The following MYH9 variants were observed in gnomAD, a reference collection of about 807,000 sequenced individuals.
MYH9 encodes the protein myosin-9.
In MYH9, 29 loss-of-function variants were observed where a neutral mutation model predicts 241.9. The observed-to-expected ratio is 0.12, with a 90% CI of 0.09 to 0.16. MYH9 has a LOEUF of 0.16. MYH9 is among the 10% of genes least tolerant of loss of function. The probability of loss-of-function intolerance (pLI) is 1.00; values close to 1 mark genes in which losing one functional copy is unlikely to be tolerated. For missense variants in MYH9, 1,803 were observed against 2,595.5 expected (o/e 0.69, Z 6.63); for synonymous variants, 1,047 against 1,062.6 (o/e 0.99, Z 0.29).
chr22:36,356,478 G>A (rs1603484210), intron 1 of MYH9, among the ~76,000 whole-genome samples: 1 of 151,210 alleles, frequency 6.6e-6, no homozygotes, highest in Non-Finnish European at 1.5e-5. Flanking sequence ...CTACTAGGGA[G>A]GCTGAGGCAC....
intron 1 of MYH9, among the ~76,000 whole-genome samples, chr22:36,380,698 G>A (rs766378225): frequency 6.6e-6 from 1 of 151,954 alleles, no homozygotes; most frequent in Non-Finnish European, 1.5e-5. Context: ...CTAAGATCAC[G>A]CCACTGCACT....
In MYH9 at chr22:36,300,231, C is replaced by T. The variant is rs151036570; in HGVS notation, c.2872G>A (p.Ala958Thr). 1,525 of 1,613,440 alleles carry T rather than the reference C, an allele frequency of 9.5e-4. 3 individuals are homozygous for T. The highest frequency in any genetic ancestry group is 1.2e-3 in the Non-Finnish European group (1,444 of 1,180,040). Residue 958 changes from alanine (A) to threonine (T), a missense_variant, in exon 23 of 41, where the codon GCC (alanine) becomes ACC (threonine). By Grantham distance (58) the Ala-to-Thr change is moderately conservative. Around this residue, in one of 11 missense-constraint regions of MYH9, gnomAD observed 290 missense variants for 360.5 expected, o/e 0.80. Transcript: ENST00000216181. The surrounding 1 kb of genome is among the most constrained non-coding windows in gnomAD (Gnocchi z 5.0). ...LEEQLEEEESARQKLQLEKVT... is the reference protein window; with the variant it reads ...LEEQLEEEESTRQKLQLEKVT... ...TTCTCCAGCTGCAGCTTCTGCCGGGCGCTCTCCTCCTCCTCCAGCTGCTCC... is the reference window on the plus strand; with the variant it reads ...TTCTCCAGCTGCAGCTTCTGCCGGGTGCTCTCCTCCTCCTCCAGCTGCTCC...
chr22:36,356,452 G>A (rs1370815630), intron 1 of MYH9, among the ~76,000 whole-genome samples: 6 of 151,562 alleles, frequency 4.0e-5, no homozygotes, highest in African/African-American at 1.5e-4. Context: ...GTGGTGGCGC[G>A]TGCCTGTAAT....
At chr22:36,339,313 C>A (rs1470053466) in intron 3 of MYH9, among the ~76,000 whole-genome samples, 1 of 152,196 alleles carries the variant, frequency 6.6e-6, no homozygotes, top group Non-Finnish European at 1.5e-5. Context: ...CTCAAGATGA[C>A]TCCGGAGTAC....
intron 1 of MYH9, among the ~76,000 whole-genome samples, chr22:36,362,874 C>A (rs1345462294): frequency 6.6e-6 from 1 of 152,156 alleles, no homozygotes; most frequent in East Asian, 1.9e-4. Flanking sequence ...AGAATGATAG[C>A]CCGCCCAGCA....
At chr22:36,324,149 G>T (rs1411229546) in intron 5 of MYH9, among the ~76,000 whole-genome samples, 1 of 152,258 alleles carries the variant, frequency 6.6e-6, no homozygotes, top group Non-Finnish European at 1.5e-5. Flanking sequence ...TGAGGCCTCT[G>T]TTTGGGACCA....
intron 1 of MYH9, among the ~76,000 whole-genome samples, chr22:36,362,699 C>T (rs1339481077): frequency 1.3e-5 from 2 of 152,204 alleles, no homozygotes; most frequent in Non-Finnish European, 2.9e-5. Context: ...TCGTCTTGAA[C>T]TCCTGACCTC....
chr22:36,313,592 A>G (rs1172248316), intron 13 of MYH9, among the ~76,000 whole-genome samples: 1 of 152,136 alleles, frequency 6.6e-6, no homozygotes, highest in Non-Finnish European at 1.5e-5. Flanking sequence ...GTATGAACTC[A>G]TTGGAAAGGG....
intron 1 of MYH9, among the ~76,000 whole-genome samples, chr22:36,363,536 CCAGG>C (rs1286280512): frequency 2.6e-5 from 4 of 152,112 alleles, no homozygotes; most frequent in African/African-American, 9.7e-5. Flanking sequence ...TGTTAAGAGG[CCAGG>C]CAGACAGACC....
At chr22:36,353,840 G>C (rs910214657) in intron 1 of MYH9, among the ~76,000 whole-genome samples, 1 of 152,220 alleles carries the variant, frequency 6.6e-6, no homozygotes, top group African/African-American at 2.4e-5. Context: ...GCAGAGGACA[G>C]AGTTTCAGAT....
Position 36,294,253 on chromosome 22 carries a change from G to A in MYH9, c.3676C>T (p.Arg1226Trp), listed in dbSNP as rs375797448. ...EKAKQTLENE[R>W]GELANEVKVL... ...TTCACCTCGTTGGCCAGCTCCCCCC[G>A]CTCGTTCTCCAGAGTCTGCTTTGCC... The change falls in exon 28 of 41, where the codon CGG becomes TGG. Residue 1226 changes from arginine (R) to tryptophan (W), a missense_variant. Coordinates refer to ENST00000216181, the MANE Select transcript of MYH9 (RefSeq NM_002473.6). 64 of 1,613,938 alleles carry A rather than the reference G, an allele frequency of 4.0e-5. No individual in the cohort carries two copies. Among genetic ancestry groups the A allele is most frequent in the East Asian group, 2.4e-4 (11 of 44,902 alleles).
intron 23 of MYH9, among the ~76,000 whole-genome samples, chr22:36,299,888 GA>G (rs751396239): frequency 2.6e-4 from 39 of 152,310 alleles, no homozygotes; most frequent in Non-Finnish European, 4.9e-4. Context: ...TGGCAAAGAA[GA>G]GCTTTCCAGA....
At position 36,330,767 on chromosome 22, in the gene MYH9, G is replaced by A. The variant is rs2017408601; in HGVS notation, c.491-3279C>T. ...TTTGGCTCGAGTCCTTATTTGGCCT[G>A]TAAGGACTGAAGGCTTATTTGAAAA... On this transcript the variant is annotated intron_variant, in intron 3 of 40. Coordinates refer to ENST00000216181, the MANE Select transcript of MYH9 (RefSeq NM_002473.6). This position sits in a 1 kb window ranked among gnomAD's most constrained non-coding sequence, Gnocchi z 4.5. Among the ~76,000 whole-genome samples the A allele has an allele frequency of 6.6e-6, 1 of 152,008 alleles. No individual in the cohort carries two copies. The highest frequency in any genetic ancestry group is 2.4e-5 in the African/African-American group (1 of 41,348).
At chr22:36,311,557 C>A (rs1266342683) in intron 14 of MYH9, among the ~76,000 whole-genome samples, 1 of 152,150 alleles carries the variant, frequency 6.6e-6, no homozygotes, top group Non-Finnish European at 1.5e-5. Context: ...GTTGAGGAGC[C>A]CTGCCCCGGA....
intron 1 of MYH9, among the ~76,000 whole-genome samples, chr22:36,367,009 T>C (rs2018021036): frequency 1.3e-5 from 2 of 152,100 alleles, no homozygotes; most frequent in Non-Finnish European, 2.9e-5. Flanking sequence ...CTTTGAGAAC[T>C]TGTGAGAGGT....
chr22:36,367,087 G>A (rs1477898677), intron 1 of MYH9, among the ~76,000 whole-genome samples: 4 of 152,182 alleles, frequency 2.6e-5, no homozygotes, highest in Non-Finnish European at 1.5e-5. Context: ...TGGACTTTTA[G>A]GAGTCCCCTG....
rs778318706 is a variant in MYH9 at position 36,309,349 on chromosome 22, C to T, written c.1776G>A (p.Leu592=). Residue 592 remains leucine (L), a synonymous_variant, in exon 15 of 41, where the codon CTG becomes CTA. Coordinates refer to ENST00000216181, the MANE Select transcript of MYH9 (RefSeq NM_002473.6). ...DEWLMKNMDP[L]NDNIATLLHQ... ...GGAGCAGTGTGGCGATGTTGTCATT[C>T]AGGGGATCCATGTTCTTCATCAGCC... is the stretch of plus-strand genomic sequence containing the variant. The T allele has an allele frequency of 2.5e-5, 41 of 1,614,070 alleles. No homozygotes were observed. The highest frequency in any genetic ancestry group is 3.4e-5 in the Non-Finnish European group (40 of 1,180,040).
chr22:36,319,299 G>T (rs1440592703), intron 10 of MYH9, among the ~76,000 whole-genome samples: 1 of 152,102 alleles, frequency 6.6e-6, no homozygotes, highest in Non-Finnish European at 1.5e-5. Flanking sequence ...TTGGTCTCAG[G>T]AATGAATAAG....
intron 1 of MYH9, among the ~76,000 whole-genome samples, chr22:36,370,567 C>A (rs1231740103): frequency 6.6e-6 from 1 of 152,328 alleles, no homozygotes; most frequent in African/African-American, 2.4e-5. Flanking sequence ...CCGCAGCCAT[C>A]CAACACTCGG....
Sources: allele counts gnomAD v4.1 joint callset (sites outside exome capture counted in the v4.1 genomes callset), GRCh38; gene constraint gnomAD v4.1.1; regional missense constraint gnomAD v4.1.1; non-coding constraint Gnocchi (gnomAD v3.1); transcripts MANE v1.5; gene names NCBI Gene and HGNC (gene_info 2026-07-23, HGNC 2026-07-21).